Variants in SMAD9 observed in about 807,000 individuals in gnomAD.
SMAD9 encodes MAD homolog 9.
In SMAD9, 36 loss-of-function variants were observed where a neutral mutation model predicts 46.1. The observed-to-expected ratio is 0.78, with a 90% CI of 0.60 to 1.03. The LOEUF is 1.03. SMAD9 is among the 50% of genes least tolerant of loss of function. The pLI is 0.00. For synonymous variants in SMAD9, 245 were observed against 237.1 expected (o/e 1.03, Z -0.31); for missense variants, 572 against 599.8 (o/e 0.95, Z 0.48).
rs886050163 is a variant in SMAD9 at position 36,847,871 on chromosome 13, G to A, written c.*805C>T. The A allele has an allele frequency of 4.6e-5, 7 of 152,258 alleles. No individual in the cohort carries two copies. Among genetic ancestry groups the A allele is most frequent in the East Asian group, 3.8e-4 (2 of 5,198 alleles). 9.4% of individuals were successfully genotyped at this position (152,258 alleles called of 1,614,324 possible). A position where few individuals can be genotyped will look rare whatever the true frequency, so the allele number is the denominator to read the frequency against. ...ACTGCCTGACACGAACAACCAGCACGACAGGAACCTGGTCTCCTCTGTGGA... is the reference window on the plus strand; with the variant it reads ...ACTGCCTGACACGAACAACCAGCACAACAGGAACCTGGTCTCCTCTGTGGA... On this transcript the variant is annotated 3_prime_UTR_variant, in exon 7 of 7. Coordinates refer to ENST00000379826, the MANE Select transcript of SMAD9 (RefSeq NM_001127217.3).
intron 1 of SMAD9, among the ~76,000 whole-genome samples, chr13:36,883,742 C>T (rs1029629269): frequency 6.6e-6 from 1 of 152,088 alleles, no homozygotes; most frequent in African/African-American, 2.4e-5. Flanking sequence ...CAGAGAGAGA[C>T]CCTGTCTCAA....
chr13:36,859,030 A>T (rs557255362), intron 5 of SMAD9, among the ~76,000 whole-genome samples: 1 of 152,278 alleles, frequency 6.6e-6, no homozygotes, highest in South Asian at 2.1e-4. Flanking sequence ...TTTAAGAAGA[A>T]AATTGGGATC....
At chr13:36,890,061 C>T (rs375075029) in intron 1 of SMAD9, among the ~76,000 whole-genome samples, 1 of 152,060 alleles carries the variant, frequency 6.6e-6, no homozygotes, top group Non-Finnish European at 1.5e-5. Context: ...AATAAATATC[C>T]TTTTATTCAA....
At chr13:36,900,683 CTACACACACA>C (rs2058567095) in intron 1 of SMAD9, among the ~76,000 whole-genome samples, 1 of 79,724 alleles carries the variant, frequency 1.3e-5, no homozygotes, top group African/African-American at 4.8e-5. Flanking sequence ...ATCATTATGA[CTACACACACA>C]CACACACACA....
At chr13:36,908,129 T>C (rs2058633147) in intron 1 of SMAD9, among the ~76,000 whole-genome samples, 1 of 152,200 alleles carries the variant, frequency 6.6e-6, no homozygotes. Flanking sequence ...GAAAGTACTG[T>C]TTTTAAAATA....
chr13:36,907,149 T>A (rs1201847451), intron 1 of SMAD9, among the ~76,000 whole-genome samples: 4 of 152,290 alleles, frequency 2.6e-5, no homozygotes, highest in African/African-American at 9.6e-5. Flanking sequence ...GGACAAATGA[T>A]GCATGATTCC....
At chr13:36,919,797 G>C (rs1327846433) in intron 1 of SMAD9, among the ~76,000 whole-genome samples, 38 of 150,570 alleles carry the variant, frequency 2.5e-4, no homozygotes, top group Admixed American at 2.5e-3. Flanking sequence ...CAACTCCCCA[G>C]AGCAGTCCCC....
intron 1 of SMAD9, among the ~76,000 whole-genome samples, chr13:36,882,845 T>A (rs1429215075): frequency 6.6e-6 from 1 of 152,156 alleles, no homozygotes; most frequent in Non-Finnish European, 1.5e-5. Flanking sequence ...ACAGCCTGGG[T>A]TCCAGCTACT....
At chr13:36,903,029 G>A (rs767448499) in intron 1 of SMAD9, among the ~76,000 whole-genome samples, 2 of 151,962 alleles carry the variant, frequency 1.3e-5, no homozygotes, top group Non-Finnish European at 2.9e-5. Flanking sequence ...CCATGGCTAA[G>A]TAATTTCTGT....
At chr13:36,910,095 G>T (rs1241210431) in intron 1 of SMAD9, among the ~76,000 whole-genome samples, 1 of 152,016 alleles carries the variant, frequency 6.6e-6, no homozygotes, top group Non-Finnish European at 1.5e-5. Flanking sequence ...TACTCAGGAG[G>T]CTGAGGCAGG....
intron 6 of SMAD9, chr13:36,851,622 G>T: frequency 2.1e-6 from 1 of 466,806 alleles, no homozygotes; most frequent in Non-Finnish European, 2.8e-6. Flanking sequence ...ATAAACATTT[G>T]TTGACTGACT....
chr13:36,880,007 G>C (rs1221167361), intron 1 of SMAD9, 132 bp from the exon 2 acceptor site: 2 of 395,204 alleles, frequency 5.1e-6, no homozygotes, highest in Non-Finnish European at 9.4e-6. Context: ...GAGCCCAGGA[G>C]GTCAAGGCTG....
In SMAD9 at chr13:36,847,140, A is replaced by G. The variant is rs373187347; in HGVS notation, c.*1536T>C. On this transcript the variant is annotated 3_prime_UTR_variant, in exon 7 of 7. Coordinates refer to ENST00000379826, the MANE Select transcript of SMAD9 (RefSeq NM_001127217.3). ...AGTAACTGTAAGAGGTGACAGTAGT[A>G]GCTCAATCATATATCTTTCTCACAT... is the stretch of plus-strand genomic sequence containing the variant. The G allele has an allele frequency of 3.9e-5, 6 of 152,228 alleles. No individual in the cohort carries two copies. The South Asian group carries it at 1.2e-3, about 31-fold the overall frequency. The allele number at this position is 152,228 out of a possible 1,614,324, so 9.4% of individuals were successfully genotyped here. A position where few individuals can be genotyped will look rare whatever the true frequency, so the allele number is the denominator to read the frequency against.
rs146583835 is a variant in SMAD9, at chr13:36,879,486, G to C, written c.204C>G (p.Cys68Trp). The C allele has an allele frequency of 6.2e-7, 1 of 1,613,842 alleles. No homozygotes were observed. The highest frequency in any genetic ancestry group is 1.1e-5 in the South Asian group (1 of 91,094). ...CGTCCAGGGAGCGGGGAATCGTGAC[G>C]CATTTGCTGGGCTGCCCCGGGCAGC... ...ALSCPGQPSK[C>W]VTIPRSLDGR... Residue 68 changes from cysteine to tryptophan, a missense_variant, in exon 2 of 7, where the codon TGC becomes TGG. By Grantham distance (215) the Cys-to-Trp change is radical. Transcript: ENST00000379826.
In SMAD9 at chr13:36,847,895, G is replaced by C. The variant is rs1377039832; in HGVS notation, c.*781C>G. The C allele has an allele frequency of 1.3e-5, 2 of 152,298 alleles. No homozygotes were observed. Among genetic ancestry groups the C allele is most frequent in the Non-Finnish European group, 2.9e-5 (2 of 68,074 alleles). The allele number at this position is 152,298 out of a possible 1,614,324, so 9.4% of individuals were successfully genotyped here. On this transcript the variant is annotated 3_prime_UTR_variant, in exon 7 of 7. Coordinates refer to ENST00000379826, the MANE Select transcript of SMAD9 (RefSeq NM_001127217.3). Reference sequence around the variant, plus strand: ...CGACAGGAACCTGGTCTCCTCTGTGGAAAGCAGGAGTCTCCCTGGGTGGCT... The same window carrying C: ...CGACAGGAACCTGGTCTCCTCTGTGCAAAGCAGGAGTCTCCCTGGGTGGCT...
rs1181535863 is a variant in SMAD9 at position 36,872,767 on chromosome 13, A to G, written c.561T>C (p.Ser187=). Residue 187 remains serine, a synonymous_variant, in exon 3 of 7, where the codon TCT becomes TCC. Coordinates refer to ENST00000379826, the MANE Select transcript of SMAD9 (RefSeq NM_001127217.3). ...YPDSFQQPPC[S]ALPPSPSHAF... Reference sequence around the variant, plus strand: ...CGTGGCTGGGTGAGGGAGGGAGTGCAGAGCACGGAGGCTGCTGGAAAGAGT... The same window carrying G: ...CGTGGCTGGGTGAGGGAGGGAGTGCGGAGCACGGAGGCTGCTGGAAAGAGT... The G allele has an allele frequency of 6.2e-7, 1 of 1,614,084 alleles. No homozygotes were observed. The highest frequency in any genetic ancestry group is 1.7e-5 in the Admixed American group (1 of 60,010).
In SMAD9 at chr13:36,910,154, G is replaced by A. The variant is rs552864085; in HGVS notation, c.-187+9962C>T. Reference sequence around the variant, plus strand: ...AGAGCTTGCAGTGAGCCGAGATCGCGCCACTGTACTCCGGCGTGGGGGACA... The same window carrying A: ...AGAGCTTGCAGTGAGCCGAGATCGCACCACTGTACTCCGGCGTGGGGGACA... On this transcript the variant is annotated intron_variant, in intron 1 of 6. Transcript: ENST00000379826. Among the ~76,000 whole-genome samples, 40 of 151,120 alleles carry A rather than the reference G, an allele frequency of 2.6e-4. No individual in the cohort carries two copies. The Middle Eastern group carries it at 0.01, about 39-fold the overall frequency.
At chr13:36,850,525 C>T (rs899334088) in intron 6 of SMAD9, among the ~76,000 whole-genome samples, 5 of 152,120 alleles carry the variant, frequency 3.3e-5, no homozygotes, top group African/African-American at 1.2e-4. Context: ...ATTACAGGCA[C>T]GCGCCACCAC....
chr13:36,898,666 A>G (rs2058549137), intron 1 of SMAD9, among the ~76,000 whole-genome samples: 2 of 152,364 alleles, frequency 1.3e-5, no homozygotes, highest in East Asian at 1.9e-4. Context: ...ATGCCATACT[A>G]TCATGTTAAT....
Sources: gnomAD v4.1 joint callset for allele counts (sites outside exome capture counted in the v4.1 genomes callset) on GRCh38, gnomAD v4.1.1 for gene constraint, MANE v1.5 for transcripts, NCBI Gene and HGNC (gene_info 2026-07-23, HGNC 2026-07-21) for gene names.